Variants in TMTC3 observed in about 807,000 individuals in gnomAD.
TMTC3 encodes the protein protein O-mannosyl-transferase TMTC3.
In TMTC3, 52 loss-of-function variants were observed where a neutral mutation model predicts 92.2. The observed-to-expected ratio is 0.56, with a 90% CI of 0.45 to 0.71. TMTC3 has a LOEUF of 0.71. Ranked by LOEUF, TMTC3 falls within the 30% of genes least tolerant of loss-of-function variation. The pLI, the probability that TMTC3 is intolerant of heterozygous loss-of-function variation, is 0.00. For synonymous variants in TMTC3, 339 were observed against 363.3 expected, an observed-to-expected ratio of 0.93 and a Z score of 0.76; for missense variants, 896 against 1,057.1, an observed-to-expected ratio of 0.85 and a Z score of 2.11.
intron 4 of TMTC3, among the ~76,000 whole-genome samples, chr12:88,156,654 A>G (rs916034213): frequency 2.0e-5 from 3 of 151,780 alleles, no homozygotes; most frequent in African/African-American, 7.3e-5. Context: ...CAGAGTAGAG[A>G]GTGATCTACC....
At chr12:88,158,371 G>C (rs992277560) in intron 4 of TMTC3, among the ~76,000 whole-genome samples, 1 of 151,980 alleles carries the variant, frequency 6.6e-6, no homozygotes, top group African/African-American at 2.4e-5. Context: ...GGTCCAGCCT[G>C]TTTTGTAAAT....
At chr12:88,162,694 C>T (rs1331924938) in intron 6 of TMTC3, among the ~76,000 whole-genome samples, 2 of 152,076 alleles carry the variant, frequency 1.3e-5, no homozygotes, top group Non-Finnish European at 2.9e-5. Flanking sequence ...TCCTTGCCTA[C>T]TAATTCTATC....
chr12:88,144,752 G>C (rs117928296), intron 1 of TMTC3, among the ~76,000 whole-genome samples: 1,533 of 152,284 alleles, frequency 0.01, 12 homozygotes, highest in Middle Eastern at 0.02. Flanking sequence ...GAACAAGTCA[G>C]CTCTGGCTTG....
chr12:88,192,181 A>G (rs745684096), intron 12 of TMTC3, among the ~76,000 whole-genome samples: 1 of 151,904 alleles, frequency 6.6e-6, no homozygotes, highest in Non-Finnish European at 1.5e-5. Context: ...TACCACTACT[A>G]TATGTCATTT....
intron 11 of TMTC3, 124 bp from the exon 12 acceptor site, chr12:88,190,329 C>G: frequency 1.3e-6 from 1 of 766,454 alleles, no homozygotes; most frequent in Non-Finnish European, 2.0e-6. Flanking sequence ...GAACCCTGAT[C>G]TCTCAGTCCA....
intron 9 of TMTC3, among the ~76,000 whole-genome samples, chr12:88,175,606 C>A (rs1367870862): frequency 6.6e-6 from 1 of 152,150 alleles, no homozygotes; most frequent in Admixed American, 6.6e-5. Context: ...TTAATCCATA[C>A]TCCTAGGATA....
intron 9 of TMTC3, among the ~76,000 whole-genome samples, chr12:88,175,759 C>T (rs2041252940): frequency 6.6e-6 from 1 of 152,178 alleles, no homozygotes; most frequent in South Asian, 2.1e-4. Context: ...TCTGCGAACT[C>T]TGAAAGCACA....
In TMTC3 at chr12:88,198,637, G is replaced by A. The variant is rs2041543361; in HGVS notation, c.*2988G>A. The stretch of plus-strand genomic sequence containing the variant: ...TTACTTTTATGTAAAAATTTGATAT[G>A]TGAATTACACAGTTCTAATAAAACC... On this transcript the variant is annotated 3_prime_UTR_variant, in exon 14 of 14. Coordinates refer to ENST00000266712, the MANE Select transcript of TMTC3 (RefSeq NM_181783.4). 4 of 379,156 alleles carry A rather than the reference G, an allele frequency of 1.1e-5. No individual in the cohort carries two copies. The highest frequency in any genetic ancestry group is 1.5e-4 in the South Asian group (1 of 6,838). 23.5% of individuals were successfully genotyped at this position (379,156 alleles called of 1,614,324 possible). A position where few individuals can be genotyped will look rare whatever the true frequency, so the allele number is the denominator to read the frequency against.
intron 7 of TMTC3, 36 bp downstream of exon 7, chr12:88,166,618 C>A: frequency 6.3e-7 from 1 of 1,575,290 alleles, no homozygotes; most frequent in East Asian, 2.3e-5. Context: ...ATGATGTTAA[C>A]ATTCAGTTGA....
chr12:88,156,182 G>A (rs545027857), intron 4 of TMTC3, among the ~76,000 whole-genome samples: 1 of 152,278 alleles, frequency 6.6e-6, no homozygotes, highest in African/African-American at 2.4e-5. Context: ...ATGTTATTAT[G>A]TTTGTTCTCT....
At chr12:88,193,837 G>A (rs1246423958) in intron 13 of TMTC3, among the ~76,000 whole-genome samples, 1 of 151,998 alleles carries the variant, frequency 6.6e-6, no homozygotes, top group Non-Finnish European at 1.5e-5. Context: ...CTCATTATTC[G>A]ACACAAGATT....
chr12:88,162,075 A>T (rs959370162), intron 6 of TMTC3, among the ~76,000 whole-genome samples: 2 of 152,224 alleles, frequency 1.3e-5, no homozygotes, highest in African/African-American at 4.8e-5. Context: ...ACTTCTGATT[A>T]AAAATATCAG....
At chr12:88,163,735 T>A (rs552858438) in intron 6 of TMTC3, among the ~76,000 whole-genome samples, 1 of 152,318 alleles carries the variant, frequency 6.6e-6, no homozygotes, top group African/African-American at 2.4e-5. Context: ...TCGTTGGATT[T>A]AGGGCCCACC....
chr12:88,155,313 A>C (rs1321514527), intron 4 of TMTC3, among the ~76,000 whole-genome samples: 4 of 152,324 alleles, frequency 2.6e-5, no homozygotes, highest in South Asian at 2.1e-4. Flanking sequence ...TGTGCATAAT[A>C]ATAGTCCCCT....
chr12:88,148,730 G>A (rs1229987676), intron 2 of TMTC3, among the ~76,000 whole-genome samples: 2 of 151,488 alleles, frequency 1.3e-5, no homozygotes, highest in African/African-American at 2.4e-5. Flanking sequence ...TACCTTGGCT[G>A]CTGCTTTTTT....
intron 8 of TMTC3, chr12:88,172,961 T>C (rs2041221853): frequency 6.9e-7 from 1 of 1,447,802 alleles, no homozygotes; most frequent in East Asian, 3.0e-5. Flanking sequence ...AATTTGATTT[T>C]ACAGCCTGAG....
chr12:88,169,969 A>G (rs1444229246), intron 7 of TMTC3, among the ~76,000 whole-genome samples: 2 of 151,816 alleles, frequency 1.3e-5, no homozygotes, highest in African/African-American at 4.8e-5. Context: ...AAAAAAAGAA[A>G]GAAAGACTCT....
intron 13 of TMTC3, 83 bp downstream of exon 13, chr12:88,192,913 GCAAA>G (rs2041460837): frequency 8.8e-7 from 1 of 1,137,742 alleles, no homozygotes. Flanking sequence ...ATTACCCATA[GCAAA>G]CACTTTATGT....
intron 7 of TMTC3, among the ~76,000 whole-genome samples, chr12:88,170,510 A>C (rs1421551340): frequency 6.6e-6 from 1 of 152,136 alleles, no homozygotes; most frequent in African/African-American, 2.4e-5. Flanking sequence ...CAGACCTATA[A>C]ATTGGTATGA....
Sources: gnomAD v4.1 joint callset for allele counts (sites outside exome capture counted in the v4.1 genomes callset) on GRCh38, gnomAD v4.1.1 for gene constraint, MANE v1.5 for transcripts, NCBI Gene and HGNC (gene_info 2026-07-23, HGNC 2026-07-21) for gene names.